HSPH1: variants seen among roughly 807,000 people sequenced by gnomAD.
The protein encoded by HSPH1 is heat shock protein family H (Hsp110) member 1.
A neutral mutation model predicts 100.0 loss-of-function variants in HSPH1; 40 were observed. The ratio of observed to expected loss-of-function variants is 0.40; its 90% confidence interval spans 0.31 to 0.52. The LOEUF is 0.52. Among genes scored for constraint, HSPH1 ranks in the 20% least tolerant of loss-of-function variants. HSPH1 has a pLI of 0.54. For missense variants in HSPH1, 876 were observed against 1,015.1 expected, an observed-to-expected ratio of 0.86 and a Z score of 1.86; for synonymous variants, 403 against 344.0, an observed-to-expected ratio of 1.17 and a Z score of -1.90.
At chr13:31,157,459 T>C (rs528027177) in intron 2 of HSPH1, among the ~76,000 whole-genome samples, 14 of 152,362 alleles carry the variant, frequency 9.2e-5, no homozygotes, top group African/African-American at 3.1e-4. Context: ...TGAAACCATT[T>C]TCTAATGAAA....
At chr13:31,149,075 AAG>A (rs1159596849) in intron 8 of HSPH1, among the ~76,000 whole-genome samples, 1 of 152,148 alleles carries the variant, frequency 6.6e-6, no homozygotes, top group Admixed American at 6.5e-5. Context: ...GATCCTTCAA[AAG>A]AGAGGCCAAA....
At chr13:31,145,812 G>A in intron 10 of HSPH1, 44 bp from the exon 11 acceptor site, 1 of 1,582,278 alleles carries the variant, frequency 6.3e-7, no homozygotes, top group Non-Finnish European at 8.7e-7. Flanking sequence ...AATTTATTTA[G>A]AATTAAGTCT....
At chr13:31,155,344 T>C (rs1956645085) in intron 3 of HSPH1, among the ~76,000 whole-genome samples, 170 bp downstream of exon 3, 1 of 152,142 alleles carries the variant, frequency 6.6e-6, no homozygotes, top group African/African-American at 2.4e-5. Flanking sequence ...ATTTGAATAA[T>C]ATTCAAAGAC....
intron 10 of HSPH1, among the ~76,000 whole-genome samples, chr13:31,147,652 A>G (rs1204307774): frequency 6.6e-6 from 1 of 152,134 alleles, no homozygotes; most frequent in South Asian, 2.1e-4. Context: ...AATCCTTTAT[A>G]TACAGACTGT....
chr13:31,138,976 CT>C, intron 15 of HSPH1, 23 bp downstream of exon 15: 1 of 1,592,534 alleles, frequency 6.3e-7, no homozygotes, highest in East Asian at 2.2e-5. Context: ...CAAGTACCAC[CT>C]TTTGGGGGAG....
At chr13:31,155,080 G>A (rs937926874) in intron 3 of HSPH1, among the ~76,000 whole-genome samples, 8 of 152,252 alleles carry the variant, frequency 5.3e-5, no homozygotes, top group East Asian at 1.9e-4. Context: ...TCTAACTGAA[G>A]AGATGAATCA....
chr13:31,147,699 T>C lies in HSPH1; in HGVS notation c.1378+260A>G, dbSNP rs1362680840. Among the ~76,000 whole-genome samples the C allele has an allele frequency of 2.0e-5, 3 of 152,156 alleles. No homozygotes were observed. The East Asian group carries it at 5.8e-4, about 29-fold the overall frequency. On this transcript the variant is annotated intron_variant, in intron 10 of 17. Coordinates refer to ENST00000320027, the MANE Select transcript of HSPH1 (RefSeq NM_006644.4). ...GAAAATATTAAAGTGTTCATATATA[T>C]ATACACACACACATACTTTTAAGTA...
intron 4 of HSPH1, 21 bp from the exon 5 acceptor site, chr13:31,152,972 T>A (rs570552267): frequency 2.7e-6 from 4 of 1,507,226 alleles, no homozygotes; most frequent in African/African-American, 1.4e-5. Flanking sequence ...ACAAAAAATT[T>A]TGAATTATCT....
At chr13:31,148,345 G>T (rs201801493) in intron 9 of HSPH1, 29 bp downstream of exon 9, 1 of 1,293,376 alleles carries the variant, frequency 7.7e-7, no homozygotes, top group Middle Eastern at 1.9e-4. Flanking sequence ...TTACATTATA[G>T]TATCTGAATG....
At chr13:31,162,210 A>T, upstream of HSPH1, 1 of 913,848 alleles carries the variant, frequency 1.1e-6, no homozygotes, top group Non-Finnish European at 1.7e-6. Context: ...TGACTCCAAA[A>T]CTCGGAATAG....
rs1228016531 is a variant in HSPH1 at position 31,161,862 on chromosome 13, T to G, written c.-280A>C. 2.0e-6 allele frequency: 3 copies of G among 1,483,694 alleles called. No homozygotes were observed. In the East Asian group the frequency reaches 7.4e-5, roughly 37 times the overall value. 91.9% of individuals were successfully genotyped at this position (1,483,694 alleles called of 1,614,324 possible). On this transcript the variant is annotated 5_prime_UTR_variant, in exon 1 of 18. Transcript: ENST00000320027. ...GCACCTCGGGTTGCCTGCCTCACTC[T>G]GCCGCGGCTCGCACACCGGCGCCGG...
intron 1 of HSPH1, among the ~76,000 whole-genome samples, chr13:31,159,168 G>A (rs1186844029): frequency 1.3e-5 from 2 of 152,150 alleles, no homozygotes; most frequent in Admixed American, 6.5e-5. Context: ...TATGTTAACG[G>A]TATTATTAAT....
chr13:31,153,793 C>T (rs1440340814), intron 4 of HSPH1, among the ~76,000 whole-genome samples: 5 of 148,788 alleles, frequency 3.4e-5, no homozygotes, highest in African/African-American at 7.5e-5. Context: ...CAGAACACTT[C>T]GTCCATCAGT....
intron 7 of HSPH1, 69 bp downstream of exon 7, chr13:31,150,878 A>G: frequency 6.8e-7 from 1 of 1,478,672 alleles, no homozygotes; most frequent in Non-Finnish European, 9.2e-7. Context: ...AACACCCACT[A>G]GAACTGACAC....
chr13:31,138,137 C>A (rs1481963887), intron 17 of HSPH1, among the ~76,000 whole-genome samples: 1 of 152,108 alleles, frequency 6.6e-6, no homozygotes, highest in African/African-American at 2.4e-5. Context: ...ACACTTTGCA[C>A]ACTTGTTTAA....
intron 14 of HSPH1, among the ~76,000 whole-genome samples, chr13:31,139,423 T>C (rs1956007101): frequency 6.6e-6 from 1 of 152,074 alleles, no homozygotes; most frequent in African/African-American, 2.4e-5. Context: ...GCTATACAAA[T>C]TGACAATCAC....
chr13:31,152,687 C>A lies in HSPH1; in HGVS notation c.529+165G>T, dbSNP rs924854262. The A allele has an allele frequency of 2.5e-5, 12 of 485,770 alleles. No individual in the cohort carries two copies. The South Asian group carries it at 3.2e-4, about 13-fold the overall frequency. The allele number at this position is 485,770 out of a possible 1,614,324, so 30.1% of individuals were successfully genotyped here. A position where few individuals can be genotyped will look rare whatever the true frequency, so the allele number is the denominator to read the frequency against. ...CAGATTCATAAGTTTGATAAAATAC[C>A]AATTTCTCATTAACCATAAGCATTT... On this transcript the variant is annotated intron_variant, in intron 5 of 17. Transcript: ENST00000320027.
chr13:31,152,815 T>C (rs375898798), intron 5 of HSPH1, 37 bp downstream of exon 5: 69 of 1,291,670 alleles, frequency 5.3e-5, no homozygotes, highest in Non-Finnish European at 7.1e-5. Flanking sequence ...TTAGTTCTGA[T>C]AGTATATTCA....
intron 2 of HSPH1, 73 bp from the exon 3 acceptor site, chr13:31,155,727 T>C: frequency 7.5e-7 from 1 of 1,328,414 alleles, no homozygotes; most frequent in Non-Finnish European, 1.0e-6. Context: ...AGTAATTTTA[T>C]TTATTCACTT....
Sources: allele counts gnomAD v4.1 joint callset (sites outside exome capture counted in the v4.1 genomes callset), GRCh38; gene constraint gnomAD v4.1.1; transcripts MANE v1.5; gene names NCBI Gene and HGNC (gene_info 2026-07-23, HGNC 2026-07-21).